The following TEPSIN variants were observed in gnomAD, a reference collection of about 807,000 sequenced individuals.
TEPSIN encodes the protein AP-4 complex accessory subunit tepsin.
TEPSIN carries 50 observed loss-of-function variants against 48.5 expected under a neutral mutation model. That is an observed-to-expected ratio of 1.03 (90% CI 0.82 to 1.31). The LOEUF (loss-of-function observed/expected upper bound fraction) is 1.31. Ranked by LOEUF, TEPSIN falls within the 50% of genes most tolerant of loss-of-function variation. TEPSIN has a pLI of 0.00. For missense variants in TEPSIN, 838 were observed against 815.9 expected (o/e 1.03, Z -0.33); for synonymous variants, 392 against 358.8 (o/e 1.09, Z -1.05).
intron 4 of TEPSIN, among the ~76,000 whole-genome samples, chr17:81,235,092 C>G (rs1470294414): frequency 6.6e-6 from 1 of 152,146 alleles, no homozygotes; most frequent in African/African-American, 2.4e-5. Flanking sequence ...TGAAAAGATG[C>G]CTGCCCCAAG....
In TEPSIN at chr17:81,229,271, G is replaced by T. The variant is rs764778012; in HGVS notation, c.1439C>A (p.Ser480Tyr). Residue 480 changes from serine (S) to tyrosine (Y), a missense_variant, in exon 13 of 13, where the codon TCC (serine) becomes TAC (tyrosine). Ser to Tyr is a moderately radical substitution (Grantham distance 144). Coordinates refer to ENST00000637944, the MANE Select transcript of TEPSIN (RefSeq NM_001363764.2). ...TGGGGGTGGGGTGGGCACAGGGCTG[G>T]ACGGCATCCCAGATGAGGGAGCAGG... is the stretch of plus-strand genomic sequence containing the variant. Reference protein sequence around the residue: ...RSPAPSSGMPSSPVPTPPPDA... With the variant: ...RSPAPSSGMPYSPVPTPPPDA... 3.2e-6 allele frequency: 5 copies of T among 1,578,958 alleles called. No individual in the cohort carries two copies. The highest frequency in any genetic ancestry group is 3.4e-6 in the Non-Finnish European group (4 of 1,162,728).
rs745976991 is a variant in TEPSIN at position 81,229,155 on chromosome 17, CT to C, written c.1554del (p.Gly520AlafsTer72). On this transcript the variant is annotated frameshift_variant, in exon 13 of 13. Transcript: ENST00000637944. LOFTEE classifies it low-confidence loss of function (END_TRUNC). ...CCTCTCTTTGGGCTGTCCGTGCCCC[CT>C]GGGATCCGTTCAGGTCTCCACCGCC... ...ESRRWRPERI[P>X]GGTDSPKRGP... 5.0e-6 allele frequency: 8 copies of C among 1,612,290 alleles called. No individual in the cohort carries two copies. In the South Asian group the frequency reaches 6.6e-5, roughly 13 times the overall value.
At chr17:81,235,373 T>C (rs1328660641) in intron 4 of TEPSIN, among the ~76,000 whole-genome samples, 1 of 152,042 alleles carries the variant, frequency 6.6e-6, no homozygotes, top group Non-Finnish European at 1.5e-5. Flanking sequence ...GGGCGCCCCG[T>C]CTCTCACGTG....
chr17:81,229,166 T>G lies in TEPSIN; in HGVS notation c.1544A>C (p.Glu515Ala). 6.2e-7 allele frequency: 1 copy of G among 1,607,486 alleles called. No homozygotes were observed. The highest frequency in any genetic ancestry group is 8.5e-7 in the Non-Finnish European group (1 of 1,178,136). The stretch of plus-strand genomic sequence containing the variant: ...GCTGTCCGTGCCCCCTGGGATCCGT[T>G]CAGGTCTCCACCGCCTGCTTTCTGC... ...RLAESRRWRP[E>A]RIPGGTDSPK... The change falls in exon 13 of 13, where the codon GAA becomes GCA. Residue 515 changes from glutamate to alanine, a missense_variant. By Grantham distance (107) the Glu-to-Ala change is moderately radical (BLOSUM62 -1). Transcript: ENST00000637944.
At chr17:81,236,006 C>G (rs576200628) in intron 4 of TEPSIN, among the ~76,000 whole-genome samples, 38 of 152,330 alleles carry the variant, frequency 2.5e-4, no homozygotes, top group African/African-American at 9.1e-4. Flanking sequence ...AGTCTCCCTC[C>G]CCAGAATTCC....
Position 81,228,752 on chromosome 17 carries a change from G to A in TEPSIN, c.*176C>T, listed in dbSNP as rs763846569. ...CCTGCCATCCCTCGTAGGGATTCAA[G>A]TCCAAATAGCCAGAGCCTCTGGCAG... On this transcript the variant is annotated 3_prime_UTR_variant, in exon 13 of 13. Transcript: ENST00000637944. 2.3e-5 allele frequency: 18 copies of A among 775,260 alleles called. No homozygotes were observed. The highest frequency in any genetic ancestry group is 3.5e-5 in the Non-Finnish European group (17 of 485,386). 48.0% of individuals were successfully genotyped at this position (775,260 alleles called of 1,614,324 possible).
chr17:81,228,886 G>A lies in TEPSIN; in HGVS notation c.*42C>T, dbSNP rs1163163755. The A allele has an allele frequency of 6.8e-6, 11 of 1,608,174 alleles. No homozygotes were observed. Among genetic ancestry groups the A allele is most frequent in the Non-Finnish European group, 9.3e-6 (11 of 1,178,456 alleles). On this transcript the variant is annotated 3_prime_UTR_variant, in exon 13 of 13. Coordinates refer to ENST00000637944, the MANE Select transcript of TEPSIN (RefSeq NM_001363764.2). ...TGCTCAGGAAGCACAGACCGCCCCAGACAGCAGCTGAAGCTGAAGACTCCA... is the reference window on the plus strand; with the variant it reads ...TGCTCAGGAAGCACAGACCGCCCCAAACAGCAGCTGAAGCTGAAGACTCCA...
Position 81,229,118 on chromosome 17 carries a change from C to T in TEPSIN, c.1592G>A (p.Cys531Tyr), listed in dbSNP as rs767378538. The T allele has an allele frequency of 1.7e-5, 27 of 1,613,404 alleles. No homozygotes were observed. The highest frequency in any genetic ancestry group is 2.3e-5 in the Non-Finnish European group (27 of 1,179,920). Residue 531 changes from cysteine (C) to tyrosine (Y), a missense_variant, in exon 13 of 13, where the codon TGT becomes TAT. By Grantham distance (194) the Cys-to-Tyr change is radical (BLOSUM62 -2). Coordinates refer to ENST00000637944, the MANE Select transcript of TEPSIN (RefSeq NM_001363764.2). ...AAACAAGGAGTCGCGGCTCCACGCA[C>T]AGCTGCTGGGGCCTCTCTTTGGGCT... ...TDSPKRGPSSCAWSRDSLFAG... is the reference protein window; with the variant it reads ...TDSPKRGPSSYAWSRDSLFAG...
At chr17:81,231,329 G>T in intron 11 of TEPSIN, 69 bp downstream of exon 11, 1 of 1,404,532 alleles carries the variant, frequency 7.1e-7, no homozygotes, top group South Asian at 1.4e-5. Flanking sequence ...GCACACACAC[G>T]CACACGCACA....
chr17:81,239,006 G>C lies in TEPSIN; in HGVS notation c.28C>G (p.Arg10Gly). 1 of 1,488,526 alleles carries C rather than the reference G, an allele frequency of 6.7e-7. No individual in the cohort carries two copies. The highest frequency in any genetic ancestry group is 8.9e-7 in the Non-Finnish European group (1 of 1,124,440). 92.2% of individuals were successfully genotyped at this position (1,488,526 alleles called of 1,614,324 possible). A position where few individuals can be genotyped will look rare whatever the true frequency, so the allele number is the denominator to read the frequency against. Residue 10 changes from arginine to glycine, a missense_variant, in exon 1 of 13, where the codon CGC (arginine) becomes GGC (glycine). Coordinates refer to ENST00000637944, the MANE Select transcript of TEPSIN (RefSeq NM_001363764.2). Reference protein sequence around the residue: MAAAPPLRDRLSFLHRLPIL... With the variant: MAAAPPLRDGLSFLHRLPIL... Reference sequence around the variant, plus strand: ...CTCACCCGGTGTAGAAAGCTCAGGCGGTCCCGTAGCGGCGGCGCGGCAGCC... The same window carrying C: ...CTCACCCGGTGTAGAAAGCTCAGGCCGTCCCGTAGCGGCGGCGCGGCAGCC...
intron 1 of TEPSIN, chr17:81,237,819 A>C (rs375384034): frequency 4.0e-5 from 14 of 350,756 alleles, no homozygotes; most frequent in African/African-American, 2.0e-4. Context: ...AAGCCAAACA[A>C]GGCCCAGGCA....
chr17:81,238,694 C>T, intron 1 of TEPSIN: 10 of 1,209,524 alleles, frequency 8.3e-6, no homozygotes, highest in Non-Finnish European at 1.0e-5. Flanking sequence ...CCGCTCCTTC[C>T]CTCCCGTCGG....
chr17:81,233,272 A>T lies in TEPSIN; in HGVS notation c.526+160T>A. On this transcript the variant is annotated intron_variant, in intron 7 of 12. Transcript: ENST00000637944. The surrounding 1 kb of genome is among the most constrained non-coding windows in gnomAD (Gnocchi z 5.8). Reference sequence around the variant, plus strand: ...CTGCCCCACCCCCACGTCAGCAGCCAGAGAGAGACAGTGGGGACAGCCCCA... The same window carrying T: ...CTGCCCCACCCCCACGTCAGCAGCCTGAGAGAGACAGTGGGGACAGCCCCA... 1 of 825,392 alleles carries T rather than the reference A, an allele frequency of 1.2e-6. No homozygotes were observed. Among genetic ancestry groups the T allele is most frequent in the Non-Finnish European group, 1.8e-6 (1 of 541,310 alleles). 51.1% of individuals were successfully genotyped at this position (825,392 alleles called of 1,614,324 possible).
chr17:81,228,871 GCA>G lies in TEPSIN; in HGVS notation c.*55_*56del. 6.3e-7 allele frequency: 1 copy of G among 1,599,466 alleles called. No homozygotes were observed. The highest frequency in any genetic ancestry group is 8.5e-7 in the Non-Finnish European group (1 of 1,173,564). ...AGCTACGGTTGAGGCTGCTCAGGAA[GCA>G]CAGACCGCCCCAGACAGCAGCTGAA... On this transcript the variant is annotated 3_prime_UTR_variant, in exon 13 of 13. Transcript: ENST00000637944.
intron 11 of TEPSIN, 178 bp downstream of exon 11, chr17:81,231,206 CACACAGGCATACAT>C (rs2062596045): frequency 4.8e-6 from 3 of 620,660 alleles, no homozygotes; most frequent in East Asian, 2.8e-5. Flanking sequence ...AGTGTGTACA[CACACAGGCATACAT>C]ACACAGGCAT....
rs996913544 is a variant in TEPSIN, at chr17:81,234,376, C to A, written c.308-328G>T. On this transcript the variant is annotated intron_variant, in intron 4 of 12. Transcript: ENST00000637944. The surrounding 1 kb of genome is among the most constrained non-coding windows in gnomAD (Gnocchi z 5.4). ...TGCCCCAGGTGCACCAGGGACCCCTCAGAGGCTTCCGGGGCCTGGAGGGAG... is the reference window on the plus strand; with the variant it reads ...TGCCCCAGGTGCACCAGGGACCCCTAAGAGGCTTCCGGGGCCTGGAGGGAG... 2 of 272,122 alleles carry A rather than the reference C, an allele frequency of 7.3e-6. No individual in the cohort carries two copies. Among genetic ancestry groups the A allele is most frequent in the Non-Finnish European group, 1.4e-5 (2 of 145,634 alleles). 16.9% of individuals were successfully genotyped at this position (272,122 alleles called of 1,614,324 possible).
rs550394876 is a variant in TEPSIN at position 81,233,364 on chromosome 17, C to T, written c.526+68G>A. 1.4e-4 allele frequency: 223 copies of T among 1,558,718 alleles called. No individual in the cohort carries two copies. The highest frequency in any genetic ancestry group is 2.3e-4 in the Middle Eastern group (1 of 4,298). Reference sequence around the variant, plus strand: ...AGCTACTAGATGGGGCGGCATGGTCCGGCCCCCACCACCTCCTCATCCCCA... The same window carrying T: ...AGCTACTAGATGGGGCGGCATGGTCTGGCCCCCACCACCTCCTCATCCCCA... On this transcript the variant is annotated intron_variant, in intron 7 of 12. Coordinates refer to ENST00000637944, the MANE Select transcript of TEPSIN (RefSeq NM_001363764.2). This position sits in a 1 kb window ranked among gnomAD's most constrained non-coding sequence, Gnocchi z 5.8.
Position 81,231,929 on chromosome 17 carries a change from T to G in TEPSIN, c.823A>C (p.Ser275Arg), listed in dbSNP as rs780088041. ...TGACTGCCCGAGTCCGAGACCCTGC[T>G]CAGGTCGCTGTTCTGGGAGGAATTC... ...SQNSSQNSDL[S>R]RVSDSGSHSG... The change falls in exon 9 of 13, where the codon AGC (serine) becomes CGC (arginine). Residue 275 changes from serine to arginine, a missense_variant. Transcript: ENST00000637944. 9 of 1,613,522 alleles carry G rather than the reference T, an allele frequency of 5.6e-6. No individual in the cohort carries two copies. In the Admixed American group the frequency reaches 1.3e-4, roughly 24 times the overall value.
rs374288281 is a variant in TEPSIN at position 81,230,602 on chromosome 17, G to T, written c.1175C>A (p.Pro392Gln). ...PQEHILLRTR[P>Q]WLQELSMGSP... Reference sequence around the variant, plus strand: ...GCCCATGCTGAGCTCCTGCAGCCACGGCCGGGTGCGGAGGAGGATGTGCTC... The same window carrying T: ...GCCCATGCTGAGCTCCTGCAGCCACTGCCGGGTGCGGAGGAGGATGTGCTC... The change falls in exon 12 of 13, where the codon CCG (proline) becomes CAG (glutamine). Residue 392 changes from proline to glutamine, a missense_variant. Pro to Gln is a moderately conservative substitution (Grantham distance 76). Coordinates refer to ENST00000637944, the MANE Select transcript of TEPSIN (RefSeq NM_001363764.2). This position sits in a 1 kb window ranked among gnomAD's most constrained non-coding sequence, Gnocchi z 4.2. The T allele has an allele frequency of 6.2e-7, 1 of 1,609,114 alleles. No individual in the cohort carries two copies. Among genetic ancestry groups the T allele is most frequent in the Non-Finnish European group, 8.5e-7 (1 of 1,177,928 alleles).
Sources: allele counts gnomAD v4.1 joint callset (sites outside exome capture counted in the v4.1 genomes callset), GRCh38; gene constraint gnomAD v4.1.1; non-coding constraint Gnocchi (gnomAD v3.1); transcripts MANE v1.5; gene names NCBI Gene and HGNC (gene_info 2026-07-23, HGNC 2026-07-21).